Variants in SNRK observed in about 807,000 individuals in gnomAD.
The protein encoded by SNRK is SNF-related serine/threonine-protein kinase.
A neutral mutation model predicts 48.2 loss-of-function variants in SNRK; 3 were observed. The ratio of observed to expected loss-of-function variants is 0.06; its 90% CI spans 0.03 to 0.16. The LOEUF (loss-of-function observed/expected upper bound fraction) is 0.16, where lower values mean the gene tolerates loss of function less well. Among genes scored for constraint, SNRK ranks in the 10% least tolerant of loss-of-function variants. The pLI is 1.00. For synonymous variants in SNRK, 376 were observed against 366.1 expected (o/e 1.03, Z -0.31); for missense variants, 627 against 976.0 (o/e 0.64, Z 4.76).
intron 2 of SNRK, among the ~76,000 whole-genome samples, chr3:43,301,540 A>T (rs2090897773): frequency 6.6e-6 from 1 of 152,200 alleles, no homozygotes; most frequent in South Asian, 2.1e-4. Flanking sequence ...CCAAGGCAGG[A>T]GGATTGCATG....
rs571980464 is a variant in SNRK at position 43,295,849 on chromosome 3, C to T, written c.-168-3905C>T. ...CACCTCCTGTGGTCAAGCGATTCTC[C>T]TGCCTCAGCCTTCCGAGTAGCTGGG... is the stretch of plus-strand genomic sequence containing the variant. On this transcript the variant is annotated intron_variant, in intron 1 of 6. Transcript: ENST00000296088. 2.5e-3 allele frequency among the ~76,000 whole-genome samples: 380 copies of T among 152,312 alleles called. 1 individual carries two copies. Among genetic ancestry groups the T allele is most frequent in the South Asian group, 4.6e-3 (22 of 4,834 alleles).
rs1461228845 is a variant in SNRK, at chr3:43,350,800, A to G, written c.*2243A>G. 2 of 152,658 alleles carry G rather than the reference A, an allele frequency of 1.3e-5. No individual in the cohort carries two copies. The highest frequency in any genetic ancestry group is 2.9e-5 in the Non-Finnish European group (2 of 68,046). 9.5% of individuals were successfully genotyped at this position (152,658 alleles called of 1,614,324 possible). A position where few individuals can be genotyped will look rare whatever the true frequency, so the allele number is the denominator to read the frequency against. The stretch of plus-strand genomic sequence containing the variant: ...CTTAACCTGTCTTCAAAAGTTGCAT[A>G]TAGTTACAGTAGTGTATAAATTAAA... On this transcript the variant is annotated 3_prime_UTR_variant, in exon 7 of 7. Transcript: ENST00000296088.
intron 1 of SNRK, among the ~76,000 whole-genome samples, chr3:43,297,205 T>C (rs989544657): frequency 6.6e-6 from 1 of 152,208 alleles, no homozygotes; most frequent in Non-Finnish European, 1.5e-5. Context: ...GTTATCAAAC[T>C]TCATGTCGAA....
At chr3:43,342,146 T>G (rs553925282) in intron 5 of SNRK, among the ~76,000 whole-genome samples, 84 of 152,336 alleles carry the variant, frequency 5.5e-4, no homozygotes, top group African/African-American at 1.9e-3. Context: ...TAGTGTCATC[T>G]AGAACTACTT....
At chr3:43,346,838 T>A (rs1040994758) in intron 6 of SNRK, 12 of 152,712 alleles carry the variant, frequency 7.9e-5, no homozygotes, top group African/African-American at 2.9e-4. Context: ...ATAACTTTTT[T>A]AAAATTCAGA....
chr3:43,330,306 T>G (rs1310535941), intron 3 of SNRK, among the ~76,000 whole-genome samples: 1 of 152,184 alleles, frequency 6.6e-6, no homozygotes, highest in Non-Finnish European at 1.5e-5. Context: ...TAAAACTTGG[T>G]AGGTTTCCCT....
At chr3:43,324,039 A>AC (rs2091075222) in intron 3 of SNRK, among the ~76,000 whole-genome samples, 1 of 152,196 alleles carries the variant, frequency 6.6e-6, no homozygotes, top group Non-Finnish European at 1.5e-5. Flanking sequence ...GGAGAAATGC[A>AC]CCCTAAAAAT....
rs2090910869 is a variant in SNRK at position 43,303,141 on chromosome 3, ATATTCT to A, written c.-59_-54del. 1.7e-6 allele frequency: 2 copies of A among 1,198,340 alleles called. No individual in the cohort carries two copies. The highest frequency in any genetic ancestry group is 3.1e-5 in the African/African-American group (2 of 65,320). 74.2% of individuals were successfully genotyped at this position (1,198,340 alleles called of 1,614,324 possible). ...AAAATGAATTTTTTGTATTCACCAGATATTCTTATATGAGAAGATCTATTTTAAACA... is the reference window on the plus strand; with the variant it reads ...AAAATGAATTTTTTGTATTCACCAGATATATGAGAAGATCTATTTTAAACA... On this transcript the variant is annotated 5_prime_UTR_variant, in exon 3 of 7. Coordinates refer to ENST00000296088, the MANE Select transcript of SNRK (RefSeq NM_017719.5). This position sits in a 1 kb window ranked among gnomAD's most constrained non-coding sequence, Gnocchi z 6.2.
At chr3:43,315,821 ACACCTTCTGT>A (rs1207364597) in intron 3 of SNRK, among the ~76,000 whole-genome samples, 1 of 152,210 alleles carries the variant, frequency 6.6e-6, no homozygotes, top group Non-Finnish European at 1.5e-5. Context: ...AATGTAGCAC[ACACCTTCTGT>A]CACCCAGCTG....
intron 1 of SNRK, among the ~76,000 whole-genome samples, chr3:43,290,998 TGTGA>T (rs1559457179): frequency 6.6e-6 from 1 of 152,110 alleles, no homozygotes. Flanking sequence ...GACACAGTGC[TGTGA>T]GTGAGTATAG....
intron 5 of SNRK, 160 bp downstream of exon 5, chr3:43,340,659 A>C (rs554184309): frequency 2.2e-5 from 15 of 668,136 alleles, no homozygotes; most frequent in African/African-American, 2.0e-4. Flanking sequence ...CCAGGGCCTG[A>C]CACAGGTTTT....
chr3:43,348,446 C>T lies in SNRK; in HGVS notation c.2187C>T (p.Asn729=), dbSNP rs372032246. 8.4e-4 allele frequency: 1,361 copies of T among 1,611,920 alleles called. 17 individuals carry two copies. The South Asian group carries it at 0.011, about 13-fold the overall frequency. ...ERIKSKNLKN[N]VLQLPLCEKT... ...TAAAGAGCAAGAACCTGAAAAATAA[C>T]GTGCTGCAGCTACCTCTGTGCGAAA... The change falls in exon 7 of 7, where the codon AAC becomes AAT. Residue 729 remains asparagine, a synonymous_variant. Coordinates refer to ENST00000296088, the MANE Select transcript of SNRK (RefSeq NM_017719.5).
intron 3 of SNRK, among the ~76,000 whole-genome samples, chr3:43,314,458 T>C (rs2091000769): frequency 6.6e-6 from 1 of 152,212 alleles, no homozygotes; most frequent in African/African-American, 2.4e-5. Flanking sequence ...ATTTGTATAA[T>C]ATGCCAGCTT....
intron 5 of SNRK, among the ~76,000 whole-genome samples, chr3:43,341,506 G>C (rs916220317): frequency 6.6e-6 from 1 of 152,190 alleles, no homozygotes; most frequent in Non-Finnish European, 1.5e-5. Context: ...GAGGAAAGAG[G>C]CATTTGCTTT....
rs948623093 is a variant in SNRK, at chr3:43,336,956, G to C, written c.732-3331G>C. 2.0e-5 allele frequency among the ~76,000 whole-genome samples: 3 copies of C among 152,102 alleles called. No individual in the cohort carries two copies. The East Asian group carries it at 5.8e-4, about 29-fold the overall frequency. On this transcript the variant is annotated intron_variant, in intron 4 of 6. Coordinates refer to ENST00000296088, the MANE Select transcript of SNRK (RefSeq NM_017719.5). ...TTTAGTAGAGACGGGTTTTCACCGT[G>C]TTAGCCAGGGTGGTCTCGATCTCCT...
At chr3:43,305,279 C>G (rs1294837374) in intron 3 of SNRK, among the ~76,000 whole-genome samples, 1 of 152,110 alleles carries the variant, frequency 6.6e-6, no homozygotes, top group Non-Finnish European at 1.5e-5. Flanking sequence ...CAGAGTAGCT[C>G]TCACTTATGC....
At chr3:43,345,155 T>C (rs1264622140) in intron 6 of SNRK, among the ~76,000 whole-genome samples, 1 of 152,230 alleles carries the variant, frequency 6.6e-6, no homozygotes, top group Non-Finnish European at 1.5e-5. Flanking sequence ...CCTTTTGCTG[T>C]CATGGAGACT....
At chr3:43,295,262 CT>C (rs1317813784) in intron 1 of SNRK, among the ~76,000 whole-genome samples, 6 of 152,332 alleles carry the variant, frequency 3.9e-5, no homozygotes, top group African/African-American at 1.4e-4. Context: ...TGGACTGCAG[CT>C]TGTTTTACTT....
intron 5 of SNRK, among the ~76,000 whole-genome samples, chr3:43,342,416 CTAA>C (rs985974395): frequency 6.6e-6 from 1 of 152,194 alleles, no homozygotes; most frequent in African/African-American, 2.4e-5. Context: ...GCTGAAGAAA[CTAA>C]TAAGTCATTC....
Sources: gnomAD v4.1 joint callset for allele counts (sites outside exome capture counted in the v4.1 genomes callset) on GRCh38, gnomAD v4.1.1 for gene constraint, Gnocchi (gnomAD v3.1) non-coding constraint, MANE v1.5 for transcripts, NCBI Gene and HGNC (gene_info 2026-07-23, HGNC 2026-07-21) for gene names.